Variants in SLC22A12 observed in about 807,000 individuals in gnomAD.
SLC22A12 encodes the protein solute carrier family 22 member 12.
Under a neutral mutation model 52.7 loss-of-function variants are expected in SLC22A12, and 56 were observed. That is an observed-to-expected ratio of 1.06 (90% CI 0.86 to 1.33). The LOEUF (loss-of-function observed/expected upper bound fraction) is 1.33, where lower values mean the gene tolerates loss of function less well. SLC22A12 is among the 40% of genes most tolerant of loss of function. The probability of loss-of-function intolerance (pLI) is 0.00; values close to 1 mark genes in which losing one functional copy is unlikely to be tolerated. For missense variants in SLC22A12, 683 were observed against 741.5 expected (o/e 0.92, Z 0.92); for synonymous variants, 337 against 324.6 (o/e 1.04, Z -0.41).
intron 5 of SLC22A12, 66 bp downstream of exon 5, chr11:64,598,705 T>C: frequency 6.3e-7 from 1 of 1,599,930 alleles, no homozygotes. Context: ...TAGGGCACCC[T>C]GGGAGACCCA....
rs748372203 is a variant in SLC22A12, at chr11:64,591,778, T to C, written c.222T>C (p.Ala74=). ...LGSLSPEALL[A]ISIPPGPNQR... is the part of the protein sequence containing the mutation. ...GCTTGAGTCCTGAGGCCCTCCTGGC[T>C]ATTTCCATCCCGCCGGGCCCCAACC... The change falls in exon 1 of 10, where the codon GCT becomes GCC. Residue 74 remains alanine, a synonymous_variant. Transcript: ENST00000377574. 1.2e-6 allele frequency: 2 copies of C among 1,612,882 alleles called. No homozygotes were observed. Among genetic ancestry groups the C allele is most frequent in the South Asian group, 2.2e-5 (2 of 91,070 alleles).
At chr11:64,592,152 G>A (rs1377114071) in intron 1 of SLC22A12, among the ~76,000 whole-genome samples, 194 bp downstream of exon 1, 1 of 152,162 alleles carries the variant, frequency 6.6e-6, no homozygotes, top group East Asian at 1.9e-4. Context: ...AATGGGGCCA[G>A]CCCAGGCTCT....
In SLC22A12 at chr11:64,600,375, G is replaced by T. The variant is rs748920859; in HGVS notation, c.1294G>T (p.Ala432Ser). 2.5e-6 allele frequency: 4 copies of T among 1,603,406 alleles called. No individual in the cohort carries two copies. Among genetic ancestry groups the T allele is most frequent in the East Asian group, 2.2e-5 (1 of 44,714 alleles). ...ANTLVPHEMG[A>S]LRSALAVLGL... ...CCCATCTCTACCCACAGAAATGGGG[G>T]CTCTGCGCTCAGCCTTGGCCGTGCT... The change falls in exon 8 of 10, where the codon GCT becomes TCT. Residue 432 changes from alanine (A) to serine (S), a missense_variant. By Grantham distance (99) the Ala-to-Ser change is moderately conservative. Transcript: ENST00000377574.
rs200442779 is a variant in SLC22A12, at chr11:64,593,579, C to T, written c.661+20C>T. The T allele has an allele frequency of 1.9e-4, 306 of 1,614,142 alleles. 1 individual carries two copies. The African/African-American group carries it at 3.5e-3, about 18-fold the overall frequency. On this transcript the variant is annotated intron_variant, in intron 3 of 9. Transcript: ENST00000377574. Reference sequence around the variant, plus strand: ...CTCTCCGTAGGTCTCTGACCTGGCGCCATGCAGGGGGGCTCCATGCAGGCT... The same window carrying T: ...CTCTCCGTAGGTCTCTGACCTGGCGTCATGCAGGGGGGCTCCATGCAGGCT...
chr11:64,593,360 C>CCGTG lies in SLC22A12; in HGVS notation c.507-44_507-41dup, dbSNP rs751517924. The CCGTG allele has an allele frequency of 3.7e-5, 59 of 1,613,166 alleles. 1 individual carries two copies. In the South Asian group the frequency reaches 6.1e-4, roughly 17 times the overall value. ...GTGTTCCAGAGCCCCGTGGCCTGTG[C>CCGTG]CGTGGCAAGCCACAGACCCTGCCTC... On this transcript the variant is annotated intron_variant, in intron 2 of 9. Transcript: ENST00000377574.
chr11:64,594,850 ATGGAATGGATGGATGGATGGT>A (rs1465903319), intron 4 of SLC22A12, among the ~76,000 whole-genome samples: 1 of 140,266 alleles, frequency 7.1e-6, no homozygotes, highest in African/African-American at 2.7e-5. Context: ...GGATGGACAG[ATGGAATGGATGGATGGATGGT>A]TGGAATGGAT....
chr11:64,598,916 T>C lies in SLC22A12; in HGVS notation c.1063T>C (p.Leu355=). ...GLRFRTCIST[L]CWFAFGFTFF... ...GCGCTTCCGGACCTGTATCTCCACG[T>C]TGTGCTGGTAGATGCCCTTCCCCCA... The change falls in exon 6 of 10, where the codon TTG becomes CTG. Residue 355 remains leucine, a synonymous_variant. Coordinates refer to ENST00000377574, the MANE Select transcript of SLC22A12 (RefSeq NM_144585.4). The C allele has an allele frequency of 6.2e-7, 1 of 1,612,772 alleles. No individual in the cohort carries two copies. The highest frequency in any genetic ancestry group is 8.5e-7 in the Non-Finnish European group (1 of 1,179,958).
chr11:64,593,814 T>C lies in SLC22A12; in HGVS notation c.830+11T>C. 1.2e-6 allele frequency: 2 copies of C among 1,602,120 alleles called. No homozygotes were observed. The highest frequency in any genetic ancestry group is 1.7e-6 in the Non-Finnish European group (2 of 1,179,676). ...CTTTTTGTACTCCTGGTGGGTGCTG[T>C]GCCCCACTCCCCTCCTCAGAGGAGA... On this transcript the variant is annotated intron_variant, in intron 4 of 9. Transcript: ENST00000377574.
chr11:64,595,907 A>T (rs1366714926), intron 4 of SLC22A12, among the ~76,000 whole-genome samples: 1 of 137,596 alleles, frequency 7.3e-6, no homozygotes, highest in Non-Finnish European at 1.5e-5. Flanking sequence ...AGATGAATGG[A>T]TAGATGGTTG....
Position 64,591,352 on chromosome 11 carries a change from A to T in SLC22A12, c.-205A>T. On this transcript the variant is annotated 5_prime_UTR_variant, in exon 1 of 10. Transcript: ENST00000377574. ...ATCACCTCACGCGGCCTCAGGGCCC[A>T]GTTGGAGCCACCCCAAGTGACACCA... 1.5e-6 allele frequency: 1 copy of T among 661,688 alleles called. No individual in the cohort carries two copies. Among genetic ancestry groups the T allele is most frequent in the Non-Finnish European group, 2.5e-6 (1 of 395,174 alleles). The allele number at this position is 661,688 out of a possible 1,614,324, so 41.0% of individuals were successfully genotyped here.
At chr11:64,596,023 A>ATGGATGG (rs1565137386) in intron 4 of SLC22A12, among the ~76,000 whole-genome samples, 1 of 3,158 alleles carries the variant, frequency 3.2e-4, no homozygotes, top group African/African-American at 7.0e-4. Context: ...GGATGGATGG[A>ATGGATGG]ATGGATGGAT....
chr11:64,599,591 G>GCCCCCCCCCCCCCTTGTTTCCCCCCC, intron 6 of SLC22A12, 85 bp from the exon 7 acceptor site: 1 of 617,180 alleles, frequency 1.6e-6, no homozygotes, highest in Non-Finnish European at 2.4e-6. Context: ...CCCACCCTGA[G>GCCCCCCCCCCCCCTTGTTTCCCCCCC]CCCCCACCGC....
intron 9 of SLC22A12, 69 bp downstream of exon 9, chr11:64,601,007 C>T (rs1303841963): frequency 2.5e-6 from 4 of 1,568,784 alleles, no homozygotes; most frequent in East Asian, 2.2e-5. Context: ...GCAGCCTGCT[C>T]ACCCATCCCC....
At chr11:64,594,987 G>GTGGA (rs796748895) in intron 4 of SLC22A12, among the ~76,000 whole-genome samples, 1,635 of 54,578 alleles carry the variant, frequency 0.03, 442 homozygotes, top group African/African-American at 0.16. Flanking sequence ...GGATGGATGG[G>GTGGA]TGGATGGATG....
intron 8 of SLC22A12, 105 bp from the exon 9 acceptor site, chr11:64,600,630 C>T (rs2135471033): frequency 2.0e-6 from 3 of 1,533,846 alleles, no homozygotes; most frequent in Middle Eastern, 2.2e-4. Flanking sequence ...CCAAGCCCAG[C>T]CTGACCCCCT....
At chr11:64,595,753 AGATG>A (rs1413941786) in intron 4 of SLC22A12, among the ~76,000 whole-genome samples, 9 of 117,800 alleles carry the variant, frequency 7.6e-5, no homozygotes, top group Non-Finnish European at 1.0e-4. Context: ...TGGTTGGAAT[AGATG>A]GATGGATGGA....
rs1221198594 is a variant in SLC22A12 at position 64,600,845 on chromosome 11, G to C, written c.1505G>C (p.Gly502Ala). ...HGPWLPLLVY[G>A]TVPVLSGLAA... is the part of the protein sequence containing the mutation. ...CCCTGGCTGCCCTTGCTGGTGTATG[G>C]GACGGTGCCAGTGCTGAGTGGCCTG... Residue 502 changes from glycine (G) to alanine (A), a missense_variant, in exon 9 of 10, where the codon GGG becomes GCG. Transcript: ENST00000377574. The C allele has an allele frequency of 1.2e-6, 2 of 1,608,364 alleles. No individual in the cohort carries two copies. Among genetic ancestry groups the C allele is most frequent in the Non-Finnish European group, 1.7e-6 (2 of 1,179,974 alleles).
chr11:64,599,881 G>T lies in SLC22A12; in HGVS notation c.1276G>T (p.Val426Leu). 1 of 1,612,344 alleles carries T rather than the reference G, an allele frequency of 6.2e-7. No homozygotes were observed. The highest frequency in any genetic ancestry group is 8.5e-7 in the Non-Finnish European group (1 of 1,179,648). ...AGLCILANTL[V>L]PHEMGALRSA... ...GCTCTGCATTCTGGCCAACACGCTG[G>T]TGCCCCACGGTGAGGGGGCAAAGCT... Residue 426 changes from valine (V) to leucine (L), a missense_variant, in exon 7 of 10, where the codon GTG becomes TTG. Val to Leu is a conservative substitution (Grantham distance 32). Transcript: ENST00000377574.
Position 64,601,900 on chromosome 11 carries a change from C to T in SLC22A12, c.*349C>T. On this transcript the variant is annotated 3_prime_UTR_variant, in exon 10 of 10. Coordinates refer to ENST00000377574, the MANE Select transcript of SLC22A12 (RefSeq NM_144585.4). Reference sequence around the variant, plus strand: ...GACTCCGCACTGCCACTTGTCCCCCCACACCCGTCCACCTGCCCAGAGCTC... The same window carrying T: ...GACTCCGCACTGCCACTTGTCCCCCTACACCCGTCCACCTGCCCAGAGCTC... The T allele has an allele frequency of 2.7e-6, 1 of 370,154 alleles. No individual in the cohort carries two copies. The highest frequency in any genetic ancestry group is 2.1e-5 in the South Asian group (1 of 46,722). 22.9% of individuals were successfully genotyped at this position (370,154 alleles called of 1,614,324 possible).
Sources: allele counts gnomAD v4.1 joint callset (sites outside exome capture counted in the v4.1 genomes callset), GRCh38; gene constraint gnomAD v4.1.1; transcripts MANE v1.5; gene names NCBI Gene and HGNC (gene_info 2026-07-23, HGNC 2026-07-21).